SGCD: variants seen among roughly 807,000 people sequenced by gnomAD.
The protein encoded by SGCD is sarcoglycan delta.
A neutral mutation model predicts 36.6 loss-of-function variants in SGCD; 18 were observed. The ratio of observed to expected loss-of-function variants is 0.49; its 90% CI spans 0.34 to 0.73. SGCD has a LOEUF of 0.73. SGCD is among the 30% of genes least tolerant of loss of function. The pLI is 0.01. For synonymous variants in SGCD, 133 were observed against 130.6 expected (o/e 1.02, Z -0.12); for missense variants, 387 against 346.7 (o/e 1.12, Z -0.92).
At chr5:156,312,538 A>G (rs1183639805) in intron 3 of SGCD, among the ~76,000 whole-genome samples, 1 of 152,192 alleles carries the variant, frequency 6.6e-6, no homozygotes, top group Non-Finnish European at 1.5e-5. Flanking sequence ...CTTCAATTGC[A>G]TATTCATTAA....
chr5:156,136,203 C>G (rs1034837348), intron 3 of SGCD, among the ~76,000 whole-genome samples: 2 of 152,186 alleles, frequency 1.3e-5, no homozygotes, highest in Non-Finnish European at 2.9e-5. Flanking sequence ...GCCTCTGCCT[C>G]TTGGGCTCAA....
chr5:155,948,838 G>A (rs1050183339), intron 1 of SGCD, among the ~76,000 whole-genome samples: 1 of 152,180 alleles, frequency 6.6e-6, no homozygotes, highest in Admixed American at 6.5e-5. Context: ...TATCATCTGT[G>A]TGATGGGGTA....
intron 2 of SGCD, among the ~76,000 whole-genome samples, chr5:156,333,718 T>A (rs939350747): frequency 6.7e-6 from 1 of 148,938 alleles, no homozygotes; most frequent in African/African-American, 2.5e-5. Context: ...GAACAATGGC[T>A]AGTACATAGT....
At chr5:156,128,171 T>C (rs1488208108) in intron 3 of SGCD, among the ~76,000 whole-genome samples, 1 of 152,120 alleles carries the variant, frequency 6.6e-6, no homozygotes, top group African/African-American at 2.4e-5. Flanking sequence ...TTAATTTGCA[T>C]TGCACCACAA....
intron 1 of SGCD, among the ~76,000 whole-genome samples, chr5:156,115,896 A>G (rs1761895050): frequency 6.6e-6 from 1 of 152,082 alleles, no homozygotes; most frequent in Non-Finnish European, 1.5e-5. Flanking sequence ...ACTTGATGTA[A>G]TTTAGGTTGC....
intron 3 of SGCD, among the ~76,000 whole-genome samples, chr5:156,441,783 C>T (rs1259616502): frequency 3.9e-5 from 6 of 152,148 alleles, no homozygotes; most frequent in African/African-American, 1.2e-4. Context: ...CTTACTTTAG[C>T]TCTCTGCAAT....
chr5:155,983,068 T>C (rs185595602), intron 1 of SGCD, among the ~76,000 whole-genome samples: 19 of 152,334 alleles, frequency 1.2e-4, no homozygotes, highest in Admixed American at 1.2e-3. Context: ...GCTTGTGTTT[T>C]TTAAATACTT....
intron 6 of SGCD, among the ~76,000 whole-genome samples, chr5:156,642,651 T>C (rs1290805137): frequency 6.6e-6 from 1 of 151,738 alleles, no homozygotes; most frequent in African/African-American, 2.4e-5. Context: ...GTATTTTTAG[T>C]AGCGACAAGG....
At chr5:156,607,714 C>A (rs1581246032) in intron 6 of SGCD, among the ~76,000 whole-genome samples, 1 of 152,186 alleles carries the variant, frequency 6.6e-6, no homozygotes, top group African/African-American at 2.4e-5. Flanking sequence ...ATTTTTCCCT[C>A]ATTTCAGAGC....
chr5:156,749,637 G>A (rs1449249339), intron 7 of SGCD, among the ~76,000 whole-genome samples: 1 of 151,482 alleles, frequency 6.6e-6, no homozygotes, highest in African/African-American at 2.4e-5. Context: ...GAATAGCAGG[G>A]GACATTTTAA....
intron 7 of SGCD, among the ~76,000 whole-genome samples, chr5:156,679,302 T>C (rs1171124091): frequency 6.6e-6 from 1 of 152,320 alleles, no homozygotes; most frequent in East Asian, 1.9e-4. Flanking sequence ...ATATTACCTG[T>C]GTTTAAATTA....
the SGCD span, among the ~76,000 whole-genome samples, chr5:155,741,498 G>T: frequency 1.3e-5 from 2 of 151,972 alleles, no homozygotes; most frequent in African/African-American, 4.8e-5. Context: ...CTAAAGTCAG[G>T]TTGGAATTTG....
intron 1 of SGCD, among the ~76,000 whole-genome samples, chr5:156,056,876 G>A (rs1348213565): frequency 6.9e-6 from 1 of 145,748 alleles, no homozygotes; most frequent in Non-Finnish European, 1.5e-5. Flanking sequence ...GAATCCTCTT[G>A]TTGCCTTATC....
the SGCD span, among the ~76,000 whole-genome samples, chr5:155,848,417 G>A: frequency 2.0e-5 from 3 of 152,118 alleles, no homozygotes; most frequent in East Asian, 5.8e-4. Context: ...AGGGCAGAAA[G>A]CGTGGGCAGA....
At chr5:156,605,874 T>G (rs1398423295) in intron 6 of SGCD, among the ~76,000 whole-genome samples, 1 of 152,246 alleles carries the variant, frequency 6.6e-6, no homozygotes, top group Non-Finnish European at 1.5e-5. Context: ...TTCATATCCT[T>G]CACCCACTTT....
At chr5:156,478,906 C>G (rs1316265164) in intron 3 of SGCD, among the ~76,000 whole-genome samples, 3 of 151,830 alleles carry the variant, frequency 2.0e-5, no homozygotes, top group East Asian at 2.0e-4. Context: ...GAAGCCAAAC[C>G]CTACTACCTC....
intron 4 of SGCD, among the ~76,000 whole-genome samples, chr5:156,573,925 T>G (rs1388657628): frequency 1.3e-5 from 2 of 152,128 alleles, no homozygotes; most frequent in East Asian, 3.9e-4. Flanking sequence ...ACTCCTAGCC[T>G]CAAGTGATCC....
At chr5:156,425,636 T>A (rs770479886) in intron 3 of SGCD, among the ~76,000 whole-genome samples, 5 of 151,966 alleles carry the variant, frequency 3.3e-5, no homozygotes, top group Non-Finnish European at 7.4e-5. Flanking sequence ...AGTAATGATT[T>A]CTGAGATTTT....
At chr5:156,300,806 C>A (rs1767034087) in intron 3 of SGCD, among the ~76,000 whole-genome samples, 1 of 152,026 alleles carries the variant, frequency 6.6e-6, no homozygotes, top group Admixed American at 6.5e-5. Context: ...TTCTTGGGTG[C>A]ATATAAATTT....
Sources: allele counts gnomAD v4.1 joint callset (sites outside exome capture counted in the v4.1 genomes callset), GRCh38; gene constraint gnomAD v4.1.1; transcripts MANE v1.5; gene names NCBI Gene and HGNC (gene_info 2026-07-23, HGNC 2026-07-21).